CACNA1S: variants seen among roughly 807,000 people sequenced by gnomAD.
The protein encoded by CACNA1S is voltage-dependent L-type calcium channel subunit alpha-1S.
In CACNA1S, 126 loss-of-function variants were observed where a neutral mutation model predicts 207.4. That is an observed-to-expected ratio of 0.61 (90% CI 0.53 to 0.70). CACNA1S has a LOEUF of 0.70. Ranked by LOEUF, CACNA1S falls within the 30% of genes least tolerant of loss-of-function variation. The pLI, the probability that CACNA1S is intolerant of heterozygous loss-of-function variation, is 0.00. For synonymous variants in CACNA1S, 960 were observed against 932.7 expected (o/e 1.03, Z -0.53); for missense variants, 2,349 against 2,422.8 (o/e 0.97, Z 0.64).
intron 17 of CACNA1S, 51 bp from the exon 18 acceptor site, chr1:201,069,652 C>T (rs974764229): frequency 1.3e-6 from 2 of 1,546,118 alleles, no homozygotes; most frequent in Non-Finnish European, 1.7e-6. Flanking sequence ...GCTGGAGGCT[C>T]AGGCCTCATC....
chr1:201,087,033 TG>T (rs1186187306), intron 7 of CACNA1S, among the ~76,000 whole-genome samples: 1 of 152,176 alleles, frequency 6.6e-6, no homozygotes, highest in South Asian at 2.1e-4. Context: ...GCTTCTGGAA[TG>T]GGATGATACC....
At position 201,069,126 on chromosome 1, in the gene CACNA1S, C is replaced by G. The variant is rs984776088; in HGVS notation, c.2550+11G>C. On this transcript the variant is annotated intron_variant, in intron 19 of 43. Coordinates refer to ENST00000362061, the MANE Select transcript of CACNA1S (RefSeq NM_000069.3). ...CTCCCTCCCCAGGGCTGCCCCACAGCCTTCACTCACCTTGAGGACAATCTC... is the reference window on the plus strand; with the variant it reads ...CTCCCTCCCCAGGGCTGCCCCACAGGCTTCACTCACCTTGAGGACAATCTC... 10 of 1,613,098 alleles carry G rather than the reference C, an allele frequency of 6.2e-6. No homozygotes were observed. In the African/African-American group the frequency reaches 1.1e-4, roughly 17 times the overall value.
In CACNA1S at chr1:201,076,971, T is replaced by C; in HGVS notation, c.1776A>G (p.Val592=). The change falls in exon 12 of 44, where the codon GTA becomes GTG. Residue 592 remains valine (V), a synonymous_variant. Transcript: ENST00000362061. The stretch of plus-strand genomic sequence containing the variant: ...GAAAGTTGTCAAAGTTGCTGCGCCG[T>C]ACTTCTGTGTCTTCAAAGTCATACC... ...GGRYDFEDTE[V]RRSNFDNFPQ... The C allele has an allele frequency of 6.2e-7, 1 of 1,614,218 alleles. No individual in the cohort carries two copies. Among genetic ancestry groups the C allele is most frequent in the South Asian group, 1.1e-5 (1 of 91,078 alleles).
intron 13 of CACNA1S, 131 bp downstream of exon 13, chr1:201,075,364 T>A: frequency 9.8e-7 from 1 of 1,023,964 alleles, no homozygotes; most frequent in Non-Finnish European, 1.5e-6. Flanking sequence ...CCCTACCGCA[T>A]GGGCCTGGGA....
At chr1:201,103,545 G>A (rs1662759208) in intron 2 of CACNA1S, among the ~76,000 whole-genome samples, 3 of 152,192 alleles carry the variant, frequency 2.0e-5, no homozygotes, top group Non-Finnish European at 2.9e-5. Context: ...GCCCTGAAAG[G>A]GGACCTGAGT....
At chr1:201,081,433 G>A (rs367813865) in intron 10 of CACNA1S, among the ~76,000 whole-genome samples, 81 of 152,242 alleles carry the variant, frequency 5.3e-4, no homozygotes, top group African/African-American at 1.9e-3. Flanking sequence ...GTCTTTTCTC[G>A]TATCCTACTC....
chr1:201,070,279 T>C lies in CACNA1S; in HGVS notation c.2353A>G (p.Thr785Ala), dbSNP rs1297036456. The C allele has an allele frequency of 1.2e-6, 2 of 1,613,830 alleles. No homozygotes were observed. Among genetic ancestry groups the C allele is most frequent in the Non-Finnish European group, 1.7e-6 (2 of 1,180,022 alleles). ...CAGCCAAGGGGCACCCACTTATTGG[T>C]GGGGCTGAAGATGAAGAAGGAGCTG... ...EASSFFIFSPTNKIRVLCHRI... is the reference protein window; with the variant it reads ...EASSFFIFSPANKIRVLCHRI... The change falls in exon 17 of 44, where the codon ACC (threonine) becomes GCC (alanine). Residue 785 changes from threonine to alanine, a missense_variant. Thr to Ala is a moderately conservative substitution (Grantham distance 58). Coordinates refer to ENST00000362061, the MANE Select transcript of CACNA1S (RefSeq NM_000069.3).
At chr1:201,060,840 G>A (rs1558062024) in intron 25 of CACNA1S, 24 bp from the exon 26 acceptor site, 5 of 1,613,778 alleles carry the variant, frequency 3.1e-6, no homozygotes, top group Admixed American at 1.7e-5. Flanking sequence ...AACAGGACAG[G>A]TCAGCACCAA....
intron 2 of CACNA1S, among the ~76,000 whole-genome samples, chr1:201,109,325 T>C (rs993741391): frequency 1.3e-5 from 2 of 151,910 alleles, no homozygotes; most frequent in African/African-American, 4.8e-5. Flanking sequence ...TGGGTGACCC[T>C]GGGTAATGTG....
At chr1:201,048,132 C>G (rs1660528425) in intron 36 of CACNA1S, among the ~76,000 whole-genome samples, 1 of 152,176 alleles carries the variant, frequency 6.6e-6, no homozygotes, top group Non-Finnish European at 1.5e-5. Flanking sequence ...AGCAAGGGCT[C>G]AGAGACAATA....
intron 22 of CACNA1S, among the ~76,000 whole-genome samples, chr1:201,063,457 T>C (rs935025384): frequency 3.3e-5 from 5 of 152,074 alleles, no homozygotes; most frequent in Non-Finnish European, 7.4e-5. Flanking sequence ...GCCCAGCTAA[T>C]TTTTGTATTT....
In CACNA1S at chr1:201,053,133, G is replaced by T; in HGVS notation, c.3861+76C>A. On this transcript the variant is annotated intron_variant, in intron 31 of 43. Coordinates refer to ENST00000362061, the MANE Select transcript of CACNA1S (RefSeq NM_000069.3). The surrounding 1 kb of genome is among the most constrained non-coding windows in gnomAD (Gnocchi z 5.1). The stretch of plus-strand genomic sequence containing the variant: ...AGGGTCCAGCCCGTGTGCTGCTCAG[G>T]CTCCTCAGGGTCCACTGATGCCCCC... The T allele has an allele frequency of 6.6e-7, 1 of 1,524,654 alleles. No homozygotes were observed. Among genetic ancestry groups the T allele is most frequent in the Non-Finnish European group, 9.1e-7 (1 of 1,098,560 alleles). The allele number at this position is 1,524,654 out of a possible 1,614,324, so 94.4% of individuals were successfully genotyped here. A position where few individuals can be genotyped will look rare whatever the true frequency, so the allele number is the denominator to read the frequency against.
At chr1:201,102,443 C>T (rs898478367) in intron 2 of CACNA1S, among the ~76,000 whole-genome samples, 1 of 152,168 alleles carries the variant, frequency 6.6e-6, no homozygotes, top group Middle Eastern at 3.2e-3. Flanking sequence ...CTACTCCCAA[C>T]CCTTGGGCCC....
intron 34 of CACNA1S, 149 bp from the exon 35 acceptor site, chr1:201,049,248 C>A (rs1660574019): frequency 3.1e-6 from 2 of 639,300 alleles, no homozygotes; most frequent in South Asian, 1.8e-5. Flanking sequence ...GGGAGCCCAG[C>A]TCCCTTTTAA....
In CACNA1S at chr1:201,053,295, C is replaced by T; in HGVS notation, c.3796-21G>A. On this transcript the variant is annotated intron_variant, in intron 30 of 43. Coordinates refer to ENST00000362061, the MANE Select transcript of CACNA1S (RefSeq NM_000069.3). This position sits in a 1 kb window ranked among gnomAD's most constrained non-coding sequence, Gnocchi z 5.1. ...AGGGCCTGCAGGGCGGGCGGGAGCG[C>T]CAGTCAGTGTCTTAGGGCTCCACTG... The T allele has an allele frequency of 6.2e-7, 1 of 1,612,804 alleles. No individual in the cohort carries two copies. The highest frequency in any genetic ancestry group is 8.5e-7 in the Non-Finnish European group (1 of 1,179,508).
intron 39 of CACNA1S, 118 bp downstream of exon 39, chr1:201,044,210 G>A: frequency 1.6e-6 from 2 of 1,267,710 alleles, no homozygotes; most frequent in South Asian, 1.2e-5. Context: ...AGACGGAGTG[G>A]GGTATCTTCA....
intron 21 of CACNA1S, 29 bp from the exon 22 acceptor site, chr1:201,065,974 G>T: frequency 7.5e-6 from 11 of 1,460,290 alleles, no homozygotes; most frequent in East Asian, 2.3e-5. Flanking sequence ...ATGGGGACTG[G>T]GGGTGCACCC....
intron 40 of CACNA1S, 192 bp from the exon 41 acceptor site, chr1:201,041,781 C>G: frequency 1.5e-6 from 1 of 657,018 alleles, no homozygotes; most frequent in Non-Finnish European, 2.8e-6. Flanking sequence ...AGGAAGGAGT[C>G]CAGAGCATTC....
chr1:201,062,604 GGGGA>G, intron 22 of CACNA1S, 90 bp from the exon 23 acceptor site: 1 of 1,124,882 alleles, frequency 8.9e-7, no homozygotes, highest in Non-Finnish European at 1.3e-6. Context: ...CAGTGGAAGG[GGGGA>G]GGGAAGGCAG....
Sources: gnomAD v4.1 joint callset for allele counts (sites outside exome capture counted in the v4.1 genomes callset) on GRCh38, gnomAD v4.1.1 for gene constraint, Gnocchi (gnomAD v3.1) non-coding constraint, MANE v1.5 for transcripts, NCBI Gene and HGNC (gene_info 2026-07-23, HGNC 2026-07-21) for gene names.